The following RAPGEF4 variants were observed in gnomAD, a reference collection of about 807,000 sequenced individuals.
RAPGEF4 encodes the protein Rap guanine nucleotide exchange factor 4.
A neutral mutation model predicts 147.9 loss-of-function variants in RAPGEF4; 66 were observed. That is an observed-to-expected ratio of 0.45 (90% confidence interval 0.37 to 0.55). The LOEUF is 0.55. Ranked by LOEUF, RAPGEF4 falls within the 20% of genes least tolerant of loss-of-function variation. RAPGEF4 has a pLI of 0.00. For synonymous variants in RAPGEF4, 419 were observed against 442.7 expected, an observed-to-expected ratio of 0.95 and a Z score of 0.67; for missense variants, 1,071 against 1,257.3, an observed-to-expected ratio of 0.85 and a Z score of 2.24.
chr2:172,863,388 CT>C lies in RAPGEF4; in HGVS notation c.444+48964del, dbSNP rs952749398. ...AAAGGAATTGCTTAAAATGGCAAAT[CT>C]ATGTTTGGAGTTTTTCCCAGACAAG... On this transcript the variant is annotated intron_variant, in intron 4 of 30. Coordinates refer to ENST00000397081, the MANE Select transcript of RAPGEF4 (RefSeq NM_007023.4). 9.9e-5 allele frequency among the ~76,000 whole-genome samples: 15 copies of C among 152,260 alleles called. No homozygotes were observed. In the East Asian group the frequency reaches 1.7e-3, roughly 18 times the overall value.
chr2:172,806,777 G>T (rs1210261582), intron 3 of RAPGEF4, among the ~76,000 whole-genome samples: 1 of 152,110 alleles, frequency 6.6e-6, no homozygotes, highest in Non-Finnish European at 1.5e-5. Flanking sequence ...GCACATTTTA[G>T]CTCAATTTCA....
intron 1 of RAPGEF4, among the ~76,000 whole-genome samples, chr2:172,776,368 G>A (rs1337959482): frequency 6.6e-6 from 1 of 152,166 alleles, no homozygotes; most frequent in African/African-American, 2.4e-5. Flanking sequence ...ACCTCTTAAT[G>A]GAGATGATGA....
chr2:172,796,881 A>G (rs1574866408), intron 2 of RAPGEF4, among the ~76,000 whole-genome samples: 1 of 152,192 alleles, frequency 6.6e-6, no homozygotes, highest in African/African-American at 2.4e-5. Context: ...GTTAGTTTGC[A>G]TGAGATTTTT....
chr2:173,038,113 T>C (rs1476190441), intron 29 of RAPGEF4, among the ~76,000 whole-genome samples: 1 of 152,200 alleles, frequency 6.6e-6, no homozygotes, highest in African/African-American at 2.4e-5. Context: ...TTGTACTAGA[T>C]GGCAAGTATG....
At position 172,866,056 on chromosome 2, in the gene RAPGEF4, T is replaced by C. The variant is rs139869587; in HGVS notation, c.444+51631T>C. ...TTCCATTTCTTATATCTTTCACCTT[T>C]TCATCCCCAGTGGATCCTTCTCATC... On this transcript the variant is annotated intron_variant, in intron 4 of 30. Coordinates refer to ENST00000397081, the MANE Select transcript of RAPGEF4 (RefSeq NM_007023.4). 4.6e-5 allele frequency among the ~76,000 whole-genome samples: 7 copies of C among 152,228 alleles called. No individual in the cohort carries two copies. In the East Asian group the frequency reaches 1.4e-3, roughly 29 times the overall value.
At chr2:172,878,921 A>G (rs1696277782) in intron 4 of RAPGEF4, among the ~76,000 whole-genome samples, 1 of 152,190 alleles carries the variant, frequency 6.6e-6, no homozygotes, top group African/African-American at 2.4e-5. Context: ...AGTGATGGGA[A>G]AGCTGTGGGG....
At chr2:172,969,914 C>T (rs545834893) in intron 10 of RAPGEF4, among the ~76,000 whole-genome samples, 2 of 152,188 alleles carry the variant, frequency 1.3e-5, no homozygotes, top group East Asian at 3.9e-4. Flanking sequence ...CATTCCAAAA[C>T]TGACACTCTT....
intron 1 of RAPGEF4, among the ~76,000 whole-genome samples, chr2:172,784,099 A>G (rs569922258): frequency 1.3e-5 from 2 of 152,258 alleles, no homozygotes; most frequent in Admixed American, 1.3e-4. Context: ...TACTTGCTGT[A>G]GATGTACGTA....
chr2:172,822,475 T>C (rs760194492), intron 4 of RAPGEF4, among the ~76,000 whole-genome samples: 9 of 152,218 alleles, frequency 5.9e-5, no homozygotes, highest in Non-Finnish European at 8.8e-5. Flanking sequence ...TTCTGTTACA[T>C]TATTGATAAC....
intron 4 of RAPGEF4, among the ~76,000 whole-genome samples, chr2:172,854,535 GT>G (rs1693208068): frequency 6.6e-6 from 1 of 151,874 alleles, no homozygotes; most frequent in African/African-American, 2.4e-5. Context: ...GACAATTTCT[GT>G]TTTTAATTGG....
intron 4 of RAPGEF4, among the ~76,000 whole-genome samples, chr2:172,895,839 G>A (rs964901154): frequency 1.3e-5 from 2 of 152,084 alleles, no homozygotes; most frequent in Non-Finnish European, 2.9e-5. Context: ...CAGAATGATT[G>A]GTTTACCTAG....
intron 3 of RAPGEF4, among the ~76,000 whole-genome samples, chr2:172,797,828 CATGAA>C (rs1219969943): frequency 1.3e-5 from 2 of 152,132 alleles, no homozygotes; most frequent in East Asian, 3.8e-4. Flanking sequence ...GGTGTCAAAA[CATGAA>C]ATGCAAGAAC....
At chr2:172,851,393 T>G (rs947079630) in intron 4 of RAPGEF4, among the ~76,000 whole-genome samples, 2 of 152,186 alleles carry the variant, frequency 1.3e-5, no homozygotes, top group African/African-American at 4.8e-5. Context: ...CACGTGCAGA[T>G]GAGAAGAATG....
At chr2:172,826,507 G>A (rs536692679) in intron 4 of RAPGEF4, among the ~76,000 whole-genome samples, 3 of 152,174 alleles carry the variant, frequency 2.0e-5, no homozygotes, top group Non-Finnish European at 4.4e-5. Context: ...AAGGAAAAAA[G>A]CTCTATAATA....
intron 29 of RAPGEF4, among the ~76,000 whole-genome samples, chr2:173,045,279 A>T (rs1181728462): frequency 6.6e-6 from 1 of 152,232 alleles, no homozygotes; most frequent in Non-Finnish European, 1.5e-5. Context: ...TTAATTCATG[A>T]ATACTTCAAC....
At chr2:173,041,709 T>A (rs941723823) in intron 29 of RAPGEF4, among the ~76,000 whole-genome samples, 1 of 152,236 alleles carries the variant, frequency 6.6e-6, no homozygotes, top group African/African-American at 2.4e-5. Flanking sequence ...CCTAAGCACC[T>A]GTCCAGCCTC....
chr2:172,804,866 C>T (rs1687328438), intron 3 of RAPGEF4, among the ~76,000 whole-genome samples: 2 of 152,220 alleles, frequency 1.3e-5, no homozygotes, highest in Non-Finnish European at 2.9e-5. Context: ...CAGGCCCTCT[C>T]TTAGGAAGGG....
chr2:172,865,297 A>G (rs1694508573), intron 4 of RAPGEF4, among the ~76,000 whole-genome samples: 1 of 152,168 alleles, frequency 6.6e-6, no homozygotes, highest in South Asian at 2.1e-4. Context: ...CACTTTTTGC[A>G]AACAGCCTCA....
chr2:173,048,463 G>T, intron 29 of RAPGEF4, 137 bp from the exon 30 acceptor site: 1 of 1,443,422 alleles, frequency 6.9e-7, no homozygotes. Context: ...TCAGCTAGTT[G>T]CCTTCAGATA....
Sources: gnomAD v4.1 joint callset for allele counts (sites outside exome capture counted in the v4.1 genomes callset) on GRCh38, gnomAD v4.1.1 for gene constraint, MANE v1.5 for transcripts, NCBI Gene and HGNC (gene_info 2026-07-23, HGNC 2026-07-21) for gene names.